The following SH3KBP1 variants were observed in gnomAD, a reference collection of about 807,000 sequenced individuals.
The protein encoded by SH3KBP1 is SH3 domain containing kinase binding protein 1, also known as SH3 domain-containing kinase-binding protein 1.
Under a neutral mutation model 50.1 loss-of-function variants are expected in SH3KBP1, and 8 were observed. That is an observed-to-expected ratio of 0.16 (90% CI 0.09 to 0.29). SH3KBP1 has a LOEUF of 0.29. Ranked by LOEUF, SH3KBP1 falls within the 10% of genes least tolerant of loss-of-function variation. The pLI is 1.00. For synonymous variants in SH3KBP1, 227 were observed against 218.6 expected, an observed-to-expected ratio of 1.04 and a Z score of -0.34; for missense variants, 377 against 535.2, an observed-to-expected ratio of 0.70 and a Z score of 2.92.
chrX:19,756,588 G>A (rs2065216740), intron 2 of SH3KBP1, among the ~76,000 whole-genome samples: 1 of 111,643 alleles, frequency 9.0e-6, no homozygotes, highest in Non-Finnish European at 1.9e-5. Flanking sequence ...TCTGTGGGAA[G>A]CAACTTGACA....
intron 10 of SH3KBP1, among the ~76,000 whole-genome samples, chrX:19,592,653 G>A (rs2066785234): frequency 8.9e-6 from 1 of 111,749 alleles, no homozygotes; most frequent in African/African-American, 3.3e-5. Context: ...AATGTGGGTG[G>A]GCCTGTGACT....
At chrX:19,609,924 C>G (rs2067360970) in intron 8 of SH3KBP1, among the ~76,000 whole-genome samples, 1 of 111,925 alleles carries the variant, frequency 8.9e-6, no homozygotes, top group East Asian at 2.8e-4. Flanking sequence ...CGTGGGAATT[C>G]TCTATAAGTT....
At chrX:19,722,527 C>T (rs2064084411) in intron 3 of SH3KBP1, among the ~76,000 whole-genome samples, 1 of 96,240 alleles carries the variant, frequency 1.0e-5, no homozygotes, top group African/African-American at 4.3e-5. Context: ...TACTCAGCTG[C>T]ACTGGTGTGT....
chrX:19,870,236 T>C (rs1380113924), intron 1 of SH3KBP1, among the ~76,000 whole-genome samples: 1 of 112,661 alleles, frequency 8.9e-6, no homozygotes, highest in Non-Finnish European at 1.9e-5. Flanking sequence ...AAGATGATTT[T>C]AAAAAGACTT....
chrX:19,670,776 T>C (rs1279477643), intron 6 of SH3KBP1: 3 of 982,196 alleles, frequency 3.1e-6, no homozygotes, highest in Non-Finnish European at 4.1e-6. Flanking sequence ...TTACCCAGTC[T>C]TGCTACAAAA....
At chrX:19,850,482 T>C (rs2068477428) in intron 1 of SH3KBP1, among the ~76,000 whole-genome samples, 1 of 111,506 alleles carries the variant, frequency 9.0e-6, no homozygotes, top group African/African-American at 3.3e-5. Context: ...AAAATACATA[T>C]AAGCTACTTA....
At chrX:19,637,617 T>C (rs1449310282) in intron 7 of SH3KBP1, among the ~76,000 whole-genome samples, 1 of 111,167 alleles carries the variant, frequency 9.0e-6, no homozygotes, top group Non-Finnish European at 1.9e-5. Flanking sequence ...GATTGGGGTA[T>C]GTTTCCCAAT....
chrX:19,565,308 C>T (rs759906605), intron 13 of SH3KBP1, among the ~76,000 whole-genome samples: 25 of 109,845 alleles, frequency 2.3e-4, no homozygotes, highest in African/African-American at 8.0e-4. Context: ...GTGATCTGCC[C>T]GCCTTGGCCT....
chrX:19,758,999 G>C (rs1319183938), intron 2 of SH3KBP1, among the ~76,000 whole-genome samples: 1 of 111,932 alleles, frequency 8.9e-6, no homozygotes, highest in Non-Finnish European at 1.9e-5. Flanking sequence ...AAAAATTTAA[G>C]TGCACTAGGA....
At chrX:19,555,764 G>C (rs1427082695) in intron 13 of SH3KBP1, among the ~76,000 whole-genome samples, 1 of 111,912 alleles carries the variant, frequency 8.9e-6, no homozygotes, top group African/African-American at 3.3e-5. Context: ...GCTGCCACCA[G>C]AGAGGTGTAC....
At chrX:19,650,072 G>T (rs1294707882) in intron 6 of SH3KBP1, among the ~76,000 whole-genome samples, 1 of 111,704 alleles carries the variant, frequency 9.0e-6, no homozygotes, top group Non-Finnish European at 1.9e-5. Context: ...CACAAAGGCA[G>T]CCAGGTTCAA....
intron 11 of SH3KBP1, among the ~76,000 whole-genome samples, chrX:19,591,675 T>C (rs1052765395): frequency 8.9e-6 from 1 of 111,911 alleles, no homozygotes; most frequent in Non-Finnish European, 1.9e-5. Flanking sequence ...GCCAAATCCA[T>C]CCATCAACAG....
intron 12 of SH3KBP1, among the ~76,000 whole-genome samples, chrX:19,578,602 A>G (rs1569304512): frequency 1.8e-5 from 2 of 112,001 alleles, no homozygotes; most frequent in African/African-American, 6.5e-5. Flanking sequence ...CCTCATGCCA[A>G]GCCAGTCCAA....
chrX:19,667,248 T>A (rs1177212275), intron 6 of SH3KBP1, among the ~76,000 whole-genome samples: 1 of 111,947 alleles, frequency 8.9e-6, no homozygotes, highest in Non-Finnish European at 1.9e-5. Flanking sequence ...TTTTGCAAGA[T>A]GAAAAAGTTC....
chrX:19,597,008 C>T (rs1184193483), intron 9 of SH3KBP1, among the ~76,000 whole-genome samples: 3 of 111,976 alleles, frequency 2.7e-5, no homozygotes, highest in African/African-American at 9.8e-5. Context: ...CAAAAATATT[C>T]TTACTGGTAT....
intron 13 of SH3KBP1, among the ~76,000 whole-genome samples, chrX:19,567,557 A>AATATATATATATAT (rs1555990522): frequency 1.9e-3 from 66 of 35,080 alleles, no homozygotes; most frequent in African/African-American, 0.011. Flanking sequence ...AAAAAAAAAA[A>AATATATATATATAT]ATATATATAT....
At chrX:19,706,805 G>A in intron 4 of SH3KBP1, 76 bp downstream of exon 4, 2 of 760,687 alleles carry the variant, frequency 2.6e-6, no homozygotes, top group South Asian at 4.7e-5. Context: ...CTGTAGCAAG[G>A]CGTCTTCATG....
intron 3 of SH3KBP1, among the ~76,000 whole-genome samples, chrX:19,737,338 C>T (rs2064617445): frequency 9.0e-6 from 1 of 111,486 alleles, no homozygotes; most frequent in South Asian, 3.7e-4. Context: ...TGGGCAGAGG[C>T]TCCATGTTCG....
rs1227301099 is a variant in SH3KBP1 at position 19,788,269 on chromosome X, C to CAAAAA, written c.163-41833_163-41829dup. 5.7e-3 allele frequency among the ~76,000 whole-genome samples: 145 copies of CAAAAA among 25,523 alleles called. 5 individuals are homozygous for CAAAAA. Among genetic ancestry groups the CAAAAA allele is most frequent in the African/African-American group, 0.014 (142 of 9,928 alleles). 22.2% of individuals were successfully genotyped at this position (25,523 alleles called of 115,157 possible). On this transcript the variant is annotated intron_variant, in intron 2 of 17. Coordinates refer to ENST00000397821, the MANE Select transcript of SH3KBP1 (RefSeq NM_031892.3). ...GAGCAACAGAGCAAGATTCTATCTC[C>CAAAAA]AAAAAAAAAAAAAAAACAAAAAAAA... is the stretch of plus-strand genomic sequence containing the variant.
Sources: allele counts gnomAD v4.1 joint callset (sites outside exome capture counted in the v4.1 genomes callset), GRCh38; gene constraint gnomAD v4.1.1; transcripts MANE v1.5; gene names NCBI Gene and HGNC (gene_info 2026-07-23, HGNC 2026-07-21).